CHD9NB: variants seen among roughly 807,000 people sequenced by gnomAD.
The protein encoded by CHD9NB is CHD9 neighbor protein.
At chr16:53,048,789 G>T in the CHD9NB span, among the ~76,000 whole-genome samples, 1 of 152,148 alleles carries the variant, frequency 6.6e-6, no homozygotes, top group Admixed American at 6.5e-5. Flanking sequence ...CCAACCCAAG[G>T]CACCCTGCAG....
the CHD9NB span, among the ~76,000 whole-genome samples, chr16:53,037,197 G>A: frequency 4.6e-5 from 7 of 152,168 alleles, no homozygotes; most frequent in Non-Finnish European, 5.9e-5. Context: ...GCCTCCCAAA[G>A]TGCTGGGATT....
At chr16:53,040,240 T>C in the CHD9NB span, among the ~76,000 whole-genome samples, 1 of 151,934 alleles carries the variant, frequency 6.6e-6, no homozygotes, top group Non-Finnish European at 1.5e-5. Context: ...CAGGTAATTT[T>C]TTTTTTTGTA....
chr16:53,050,130 G>A, the CHD9NB span, among the ~76,000 whole-genome samples: 1 of 152,080 alleles, frequency 6.6e-6, no homozygotes, highest in Non-Finnish European at 1.5e-5. Flanking sequence ...CTTGAACTGG[G>A]AGGCAGAGGT....
chr16:53,046,599 G>T, the CHD9NB span, among the ~76,000 whole-genome samples: 1 of 152,014 alleles, frequency 6.6e-6, no homozygotes, highest in African/African-American at 2.4e-5. Flanking sequence ...GAGGGAGGAT[G>T]GCTTGGGCCC....
chr16:53,037,860 C>T, the CHD9NB span, among the ~76,000 whole-genome samples: 1 of 152,166 alleles, frequency 6.6e-6, no homozygotes, highest in Non-Finnish European at 1.5e-5. Flanking sequence ...ACTAGTTAAC[C>T]CCCTATATTA....
chr16:53,048,641 C>A, the CHD9NB span, among the ~76,000 whole-genome samples: 1 of 152,164 alleles, frequency 6.6e-6, no homozygotes, highest in East Asian at 1.9e-4. Context: ...TATTGAACCA[C>A]AAGGTACAAA....
the CHD9NB span, among the ~76,000 whole-genome samples, chr16:53,044,801 T>G: frequency 6.6e-6 from 1 of 152,224 alleles, no homozygotes; most frequent in African/African-American, 2.4e-5. Flanking sequence ...TAATCTTCAT[T>G]TAACACATGG....
the CHD9NB span, among the ~76,000 whole-genome samples, chr16:53,040,602 G>A: frequency 6.6e-6 from 1 of 152,154 alleles, no homozygotes; most frequent in Non-Finnish European, 1.5e-5. Flanking sequence ...CCTGTTCCAG[G>A]CGGTACTCCC....
chr16:53,050,481 C>T, the CHD9NB span, among the ~76,000 whole-genome samples: 2 of 152,142 alleles, frequency 1.3e-5, no homozygotes, highest in South Asian at 4.2e-4. Flanking sequence ...GCACTCCAAC[C>T]TGAGTGACAG....
chr16:53,043,287 T>C, the CHD9NB span: 1 of 152,306 alleles, frequency 6.6e-6, no homozygotes, highest in Non-Finnish European at 1.5e-5. Flanking sequence ...GGAAGAGATA[T>C]GTGAATGTTA....
chr16:53,044,955 C>T, the CHD9NB span, among the ~76,000 whole-genome samples: 1 of 151,970 alleles, frequency 6.6e-6, no homozygotes, highest in African/African-American at 2.4e-5. Context: ...ACTTGTTTTT[C>T]AGACAAGGTC....
the CHD9NB span, among the ~76,000 whole-genome samples, chr16:53,036,822 G>A: frequency 7.2e-5 from 11 of 152,106 alleles, no homozygotes; most frequent in East Asian, 3.8e-4. Context: ...CTTTGTATCC[G>A]CCCACCCCTT....
the CHD9NB span, among the ~76,000 whole-genome samples, chr16:53,036,646 T>A: frequency 1.3e-5 from 2 of 152,204 alleles, no homozygotes; most frequent in Admixed American, 6.5e-5. Context: ...TAACCACCTC[T>A]TGGAACCACT....
At chr16:53,043,515 A>C in the CHD9NB span, 1 of 152,500 alleles carries the variant, frequency 6.6e-6, no homozygotes, top group Non-Finnish European at 1.5e-5. Context: ...GCCAAGTGCA[A>C]CACATTGCTG....
At chr16:53,046,805 G>T in the CHD9NB span, among the ~76,000 whole-genome samples, 14 of 152,150 alleles carry the variant, frequency 9.2e-5, no homozygotes, top group South Asian at 1.9e-3. Flanking sequence ...TGGACTCCTT[G>T]TTCGAAATGA....
the CHD9NB span, among the ~76,000 whole-genome samples, chr16:53,041,291 C>T: frequency 6.6e-6 from 1 of 152,246 alleles, no homozygotes; most frequent in South Asian, 2.1e-4. Flanking sequence ...TTACCAGGCA[C>T]TTTAGAAATT....
the CHD9NB span, among the ~76,000 whole-genome samples, chr16:53,039,082 A>G: frequency 2.0e-5 from 3 of 151,526 alleles, no homozygotes; most frequent in South Asian, 6.3e-4. Flanking sequence ...ATCCCTCCCA[A>G]CTCCATCCTC....
At chr16:53,039,104 C>CA in the CHD9NB span, among the ~76,000 whole-genome samples, 1 of 152,118 alleles carries the variant, frequency 6.6e-6, no homozygotes, top group African/African-American at 2.4e-5. Context: ...AAACAGTTAC[C>CA]AGGGTGCTCT....
the CHD9NB span, among the ~76,000 whole-genome samples, chr16:53,049,941 C>T: frequency 4.6e-5 from 7 of 152,176 alleles, no homozygotes; most frequent in African/African-American, 1.4e-4. Flanking sequence ...CGGTGGCTCA[C>T]GTCTGTAATC....
Sources: allele counts gnomAD v4.1 joint callset (sites outside exome capture counted in the v4.1 genomes callset), GRCh38; gene constraint gnomAD v4.1.1; transcripts MANE v1.5; gene names NCBI Gene and HGNC (gene_info 2026-07-23, HGNC 2026-07-21).